ATXN2: variants seen among roughly 807,000 people sequenced by gnomAD.
ATXN2 encodes ataxin-2.
ATXN2 carries 37 observed loss-of-function variants against 138.6 expected under a neutral mutation model. The observed-to-expected ratio is 0.27, with a 90% CI of 0.21 to 0.35. ATXN2 has a LOEUF of 0.35. ATXN2 is among the 10% of genes least tolerant of loss of function. The probability of loss-of-function intolerance (pLI) is 1.00; values close to 1 mark genes in which losing one functional copy is unlikely to be tolerated. For synonymous variants in ATXN2, 549 were observed against 543.7 expected, an observed-to-expected ratio of 1.01 and a Z score of -0.13; for missense variants, 1,216 against 1,480.3, an observed-to-expected ratio of 0.82 and a Z score of 2.93.
chr12:111,582,372 G>A (rs946475050), intron 1 of ATXN2, among the ~76,000 whole-genome samples: 5 of 151,850 alleles, frequency 3.3e-5, no homozygotes, highest in African/African-American at 9.7e-5. Flanking sequence ...GAACTCGGGA[G>A]GTGGAGGTTA....
chr12:111,475,551 G>A (rs1216522109), intron 18 of ATXN2, among the ~76,000 whole-genome samples: 1 of 136,182 alleles, frequency 7.3e-6, no homozygotes, highest in East Asian at 2.3e-4. Context: ...GTACAGGTGC[G>A]CAATCTCAAC....
At chr12:111,539,538 G>A (rs1041768618) in intron 5 of ATXN2, among the ~76,000 whole-genome samples, 1 of 150,180 alleles carries the variant, frequency 6.7e-6, no homozygotes, top group African/African-American at 2.4e-5. Flanking sequence ...ACGAGGTCAG[G>A]AGATTGAGAC....
intron 1 of ATXN2, chr12:111,565,025 C>T (rs1182898162): frequency 1.3e-5 from 2 of 152,126 alleles, no homozygotes; most frequent in Non-Finnish European, 2.9e-5. Context: ...GCCTAGCCTC[C>T]AGTACTTCTA....
At chr12:111,521,480 C>A (rs1320376694) in intron 6 of ATXN2, among the ~76,000 whole-genome samples, 1 of 152,202 alleles carries the variant, frequency 6.6e-6, no homozygotes, top group Non-Finnish European at 1.5e-5. Context: ...TCATATTCAA[C>A]GATTCCAAGG....
At chr12:111,570,316 T>C (rs552839456) in intron 1 of ATXN2, among the ~76,000 whole-genome samples, 13 of 152,258 alleles carry the variant, frequency 8.5e-5, no homozygotes, top group African/African-American at 2.2e-4. Flanking sequence ...GAGGGGAGTA[T>C]AGCTGAAACA....
intron 1 of ATXN2, chr12:111,581,654 C>G (rs1429953090): frequency 2.7e-6 from 2 of 737,566 alleles, no homozygotes; most frequent in Admixed American, 3.6e-5. Context: ...GGTTGGCGAC[C>G]TGATCAGGGC....
At chr12:111,555,801 T>A in intron 2 of ATXN2, 82 bp downstream of exon 2, 1 of 1,180,552 alleles carries the variant, frequency 8.5e-7, no homozygotes, top group Non-Finnish European at 1.2e-6. Flanking sequence ...AAGGGAATCT[T>A]TTGCCTTGGC....
chr12:111,481,148 A>C (rs1330326555), intron 18 of ATXN2, among the ~76,000 whole-genome samples: 1 of 152,086 alleles, frequency 6.6e-6, no homozygotes, highest in Non-Finnish European at 1.5e-5. Flanking sequence ...CATCTCTACT[A>C]AAAATACAAA....
At chr12:111,471,098 C>T (rs1187217870) in intron 18 of ATXN2, 6 of 208,002 alleles carry the variant, frequency 2.9e-5, no homozygotes, top group South Asian at 1.0e-4. Flanking sequence ...TTTTCTGGGA[C>T]GGGCACTGCA....
chr12:111,479,016 AT>A (rs1314110184), intron 18 of ATXN2: 21 of 313,256 alleles, frequency 6.7e-5, no homozygotes, highest in African/African-American at 3.9e-4. Flanking sequence ...CTCAAAAAAA[AT>A]AAATAAATAA....
At position 111,598,690 on chromosome 12, in the gene ATXN2, A is replaced by C; in HGVS notation, c.251+94T>G. 3 of 810,366 alleles carry C rather than the reference A, an allele frequency of 3.7e-6. No individual in the cohort carries two copies. The highest frequency in any genetic ancestry group is 9.0e-5 in the East Asian group (1 of 11,070). The allele number at this position is 810,366 out of a possible 1,614,324, so 50.2% of individuals were successfully genotyped here. On this transcript the variant is annotated intron_variant, in intron 1 of 24. Coordinates refer to ENST00000673436, the MANE Select transcript of ATXN2 (RefSeq NM_001372574.1). This position sits in a 1 kb window ranked among gnomAD's most constrained non-coding sequence, Gnocchi z 4.5. ...TGCCGGCCCCCAGCCCACCCCGGGT[A>C]GCCCGGCGGGTCACGGGGCGGGGAC...
chr12:111,596,544 TGAG>T (rs1884951525), intron 1 of ATXN2, among the ~76,000 whole-genome samples: 1 of 152,032 alleles, frequency 6.6e-6, no homozygotes, highest in South Asian at 2.1e-4. Flanking sequence ...CAAACCTAAG[TGAG>T]GAGATTCTAG....
intron 1 of ATXN2, among the ~76,000 whole-genome samples, chr12:111,564,255 A>T (rs940139400): frequency 2.0e-4 from 30 of 152,146 alleles, no homozygotes; most frequent in African/African-American, 6.8e-4. Flanking sequence ...CAGAGGAATC[A>T]TGCCTCATAT....
chr12:111,473,764 GA>G (rs10710242), intron 18 of ATXN2, among the ~76,000 whole-genome samples: 40,703 of 139,788 alleles, frequency 0.29, 6,786 homozygotes, highest in East Asian at 0.89. Flanking sequence ...AAACATTGGG[GA>G]AAAAAAAAAA....
At chr12:111,564,069 T>C (rs1882849763) in intron 1 of ATXN2, among the ~76,000 whole-genome samples, 1 of 152,076 alleles carries the variant, frequency 6.6e-6, no homozygotes, top group Admixed American at 6.6e-5. Flanking sequence ...AGTGTCTTTG[T>C]GAAAATTAAA....
intron 5 of ATXN2, among the ~76,000 whole-genome samples, chr12:111,532,053 A>G (rs1001715139): frequency 6.6e-6 from 1 of 152,236 alleles, no homozygotes; most frequent in Non-Finnish European, 1.5e-5. Context: ...GGTGATGAAC[A>G]TACATAATAA....
intron 1 of ATXN2, chr12:111,581,468 G>A: frequency 2.2e-6 from 2 of 926,734 alleles, no homozygotes; most frequent in Non-Finnish European, 3.6e-6. Flanking sequence ...AGAGGTGGCT[G>A]TGCTGGGGGC....
intron 1 of ATXN2, among the ~76,000 whole-genome samples, chr12:111,568,063 C>A (rs1397617391): frequency 1.3e-5 from 2 of 152,002 alleles, no homozygotes; most frequent in African/African-American, 4.8e-5. Context: ...GAACTCAAGA[C>A]CAGCCTTGCC....
chr12:111,532,916 A>G (rs1880920579), intron 5 of ATXN2, among the ~76,000 whole-genome samples: 1 of 151,506 alleles, frequency 6.6e-6, no homozygotes, highest in South Asian at 2.1e-4. Context: ...TGGAAACCCT[A>G]CATTCCTAAC....
Sources: gnomAD v4.1 joint callset for allele counts (sites outside exome capture counted in the v4.1 genomes callset) on GRCh38, gnomAD v4.1.1 for gene constraint, Gnocchi (gnomAD v3.1) non-coding constraint, MANE v1.5 for transcripts, NCBI Gene and HGNC (gene_info 2026-07-23, HGNC 2026-07-21) for gene names.